The following CNGB1 variants were observed in gnomAD, a reference collection of about 807,000 sequenced individuals.
CNGB1 encodes cyclic nucleotide gated channel subunit beta 1.
Under a neutral mutation model 151.7 loss-of-function variants are expected in CNGB1, and 126 were observed. That is an observed-to-expected ratio of 0.83 (90% CI 0.72 to 0.96). The LOEUF is 0.96. Ranked by LOEUF, CNGB1 falls within the 40% of genes least tolerant of loss-of-function variation. The pLI, the probability that CNGB1 is intolerant of heterozygous loss-of-function variation, is 0.00. For synonymous variants in CNGB1, 623 were observed against 635.1 expected (o/e 0.98, Z 0.29); for missense variants, 1,698 against 1,627.0 (o/e 1.04, Z -0.75).
intron 31 of CNGB1, among the ~76,000 whole-genome samples, chr16:57,893,213 C>T (rs1045746465): frequency 9.2e-5 from 14 of 151,982 alleles, no homozygotes; most frequent in African/African-American, 3.4e-4. Flanking sequence ...AAGGTTTTAC[C>T]CAACTGAAAA....
rs183796279 is a variant in CNGB1, at chr16:57,883,936, A to C, written c.*228T>G. The stretch of plus-strand genomic sequence containing the variant: ...CTCAAATGATAGTGAGAGCTCAGGG[A>C]CTCGAACACTTGATGCAACTTGTCG... On this transcript the variant is annotated 3_prime_UTR_variant, in exon 33 of 33. Coordinates refer to ENST00000251102, the MANE Select transcript of CNGB1 (RefSeq NM_001297.5). The C allele has an allele frequency of 4.8e-4, 290 of 607,672 alleles. 1 individual carries two copies. The highest frequency in any genetic ancestry group is 9.9e-4 in the Admixed American group (34 of 34,344). The allele number at this position is 607,672 out of a possible 1,614,324, so 37.6% of individuals were successfully genotyped here.
intron 31 of CNGB1, among the ~76,000 whole-genome samples, chr16:57,892,250 A>G (rs182578366): frequency 1.2e-4 from 19 of 152,250 alleles, no homozygotes; most frequent in African/African-American, 4.1e-4. Context: ...GCCTGTTAGT[A>G]TTGATCTTGG....
At chr16:57,922,399 A>G (rs1961061444) in intron 18 of CNGB1, among the ~76,000 whole-genome samples, 1 of 149,466 alleles carries the variant, frequency 6.7e-6, no homozygotes, top group South Asian at 2.1e-4. Flanking sequence ...ATGCCATCAC[A>G]GTGGTTTCTT....
rs563233245 is a variant in CNGB1, at chr16:57,896,490, G to A, written c.3242+907C>T. On this transcript the variant is annotated intron_variant, in intron 31 of 32. Transcript: ENST00000251102. ...AGCACTTTGGGAGGCCGAGGGGGGT[G>A]GATCACGATGTCAGGAGTTTGAGAC... is the stretch of plus-strand genomic sequence containing the variant. 3.3e-5 allele frequency among the ~76,000 whole-genome samples: 5 copies of A among 151,818 alleles called. No homozygotes were observed. The South Asian group carries it at 1.0e-3, about 32-fold the overall frequency.
At chr16:57,888,609 A>G (rs1396482625) in intron 31 of CNGB1, among the ~76,000 whole-genome samples, 1 of 152,098 alleles carries the variant, frequency 6.6e-6, no homozygotes, top group Non-Finnish European at 1.5e-5. Context: ...ACAGGTATGC[A>G]CCACCACAAT....
intron 12 of CNGB1, among the ~76,000 whole-genome samples, chr16:57,950,911 C>T (rs1388909009): frequency 6.6e-6 from 1 of 152,182 alleles, no homozygotes; most frequent in Non-Finnish European, 1.5e-5. Context: ...GTTCAGGGTC[C>T]ACCTGGCCAC....
At chr16:57,917,696 T>A (rs1437787715) in intron 20 of CNGB1, among the ~76,000 whole-genome samples, 1 of 151,194 alleles carries the variant, frequency 6.6e-6, no homozygotes, top group Non-Finnish European at 1.5e-5. Flanking sequence ...GCACAGTGGC[T>A]CATGTCTGTA....
chr16:57,953,683 C>T (rs1009431224), intron 12 of CNGB1, among the ~76,000 whole-genome samples: 1 of 151,894 alleles, frequency 6.6e-6, no homozygotes, highest in Non-Finnish European at 1.5e-5. Context: ...GGTCATGATA[C>T]CTCCTTCCTC....
intron 19 of CNGB1, among the ~76,000 whole-genome samples, chr16:57,920,157 G>A (rs1303019728): frequency 6.6e-6 from 1 of 152,216 alleles, no homozygotes; most frequent in Non-Finnish European, 1.5e-5. Flanking sequence ...TGCCCCATGG[G>A]AGAGAGGGCC....
intron 11 of CNGB1, 116 bp from the exon 12 acceptor site, chr16:57,957,493 C>T (rs1962120420): frequency 2.3e-6 from 2 of 853,054 alleles, no homozygotes; most frequent in Non-Finnish European, 2.0e-6. Flanking sequence ...CTTAGTTGTC[C>T]CATGGGATGG....
chr16:57,925,383 C>T (rs1478343667), intron 17 of CNGB1, among the ~76,000 whole-genome samples: 2 of 152,158 alleles, frequency 1.3e-5, no homozygotes, highest in African/African-American at 4.8e-5. Context: ...GGAATTGAAC[C>T]TGAGTGTACC....
intron 31 of CNGB1, among the ~76,000 whole-genome samples, chr16:57,891,347 A>G (rs1405260780): frequency 6.6e-6 from 1 of 152,156 alleles, no homozygotes; most frequent in Non-Finnish European, 1.5e-5. Flanking sequence ...TTCATCAACC[A>G]TAATACATGA....
intron 14 of CNGB1, among the ~76,000 whole-genome samples, chr16:57,940,755 A>G (rs1339820480): frequency 6.6e-6 from 1 of 152,152 alleles, no homozygotes; most frequent in Non-Finnish European, 1.5e-5. Flanking sequence ...GACAAAAGTG[A>G]GGCCCAGAGA....
chr16:57,943,635 A>G (rs972209977), intron 14 of CNGB1, among the ~76,000 whole-genome samples: 7 of 152,046 alleles, frequency 4.6e-5, no homozygotes, highest in African/African-American at 1.7e-4. Context: ...GCACCATTGC[A>G]CTCCAGCTGT....
chr16:57,962,551 G>A lies in CNGB1; in HGVS notation c.458+14C>T. On this transcript the variant is annotated intron_variant, in intron 7 of 32. Coordinates refer to ENST00000251102, the MANE Select transcript of CNGB1 (RefSeq NM_001297.5). ...ACATACAGACAACAGTGACACTCAGGGATAGGGACTCACCTAGTGTCTTGG... is the reference window on the plus strand; with the variant it reads ...ACATACAGACAACAGTGACACTCAGAGATAGGGACTCACCTAGTGTCTTGG... The A allele has an allele frequency of 6.2e-7, 1 of 1,611,768 alleles. No homozygotes were observed. Among genetic ancestry groups the A allele is most frequent in the Non-Finnish European group, 8.5e-7 (1 of 1,177,896 alleles).
Position 57,962,569 on chromosome 16 carries a change from T to G in CNGB1, c.454A>C (p.Thr152Pro). The part of the protein sequence containing the change: ...EPNEALEAQD[T>P]RPGLRLLLWL... ...CACTCAGGGATAGGGACTCACCTAG[T>G]GTCTTGGGCCTCAAGGGCCTCATTG... The change falls in exon 7 of 33, where the codon ACT becomes CCT. Residue 152 changes from threonine to proline, a missense_variant. Physicochemically the swap from Thr to Pro is conservative, Grantham distance 38. Transcript: ENST00000251102. 2 of 1,613,640 alleles carry G rather than the reference T, an allele frequency of 1.2e-6. No homozygotes were observed. Among genetic ancestry groups the G allele is most frequent in the Non-Finnish European group, 1.7e-6 (2 of 1,179,632 alleles).
At chr16:57,936,456 A>G (rs1264749708) in intron 16 of CNGB1, among the ~76,000 whole-genome samples, 1 of 152,222 alleles carries the variant, frequency 6.6e-6, no homozygotes, top group Non-Finnish European at 1.5e-5. Context: ...TACCTGTATA[A>G]AAACAATGTG....
At chr16:57,904,383 G>A (rs1464657034) in intron 26 of CNGB1, among the ~76,000 whole-genome samples, 1 of 152,150 alleles carries the variant, frequency 6.6e-6, no homozygotes, top group African/African-American at 2.4e-5. Flanking sequence ...ATATAAATTT[G>A]AGAACCTCTG....
chr16:57,934,063 G>A (rs751567282), intron 16 of CNGB1, among the ~76,000 whole-genome samples: 4 of 152,008 alleles, frequency 2.6e-5, no homozygotes, highest in Non-Finnish European at 4.4e-5. Context: ...AAGAAAAGCC[G>A]GCACTCTGTT....
Sources: allele counts gnomAD v4.1 joint callset (sites outside exome capture counted in the v4.1 genomes callset), GRCh38; gene constraint gnomAD v4.1.1; transcripts MANE v1.5; gene names NCBI Gene and HGNC (gene_info 2026-07-23, HGNC 2026-07-21).